Variants in LMTK2 observed in about 807,000 individuals in gnomAD.
LMTK2 encodes lemur tail kinase 2, also known as serine/threonine-protein kinase LMTK2.
In LMTK2, 37 loss-of-function variants were observed where a neutral mutation model predicts 127.5. The ratio of observed to expected loss-of-function variants is 0.29; its 90% confidence interval spans 0.22 to 0.38. The LOEUF is 0.38. LMTK2 is among the 10% of genes least tolerant of loss of function. LMTK2 has a pLI of 1.00. For missense variants in LMTK2, 1,694 were observed against 1,920.3 expected (o/e 0.88, Z 2.20); for synonymous variants, 819 against 810.1 (o/e 1.01, Z -0.19).
At chr7:98,146,868 G>A (rs759451247) in intron 3 of LMTK2, among the ~76,000 whole-genome samples, 2 of 152,188 alleles carry the variant, frequency 1.3e-5, no homozygotes, top group Non-Finnish European at 2.9e-5. Flanking sequence ...ATGGCTTTGA[G>A]TTACTGTTTA....
At chr7:98,136,124 G>C (rs528898971) in intron 1 of LMTK2, among the ~76,000 whole-genome samples, 1 of 152,176 alleles carries the variant, frequency 6.6e-6, no homozygotes, top group Non-Finnish European at 1.5e-5. Context: ...ATGCCAAAAA[G>C]ATCCAGTAGT....
chr7:98,160,783 G>T (rs1562909737), intron 6 of LMTK2, among the ~76,000 whole-genome samples: 2 of 152,156 alleles, frequency 1.3e-5, no homozygotes, highest in African/African-American at 4.8e-5. Context: ...TGTTATGTAG[G>T]CATGAACATT....
chr7:98,155,877 C>T (rs1796919219), intron 5 of LMTK2, among the ~76,000 whole-genome samples: 1 of 152,060 alleles, frequency 6.6e-6, no homozygotes, highest in South Asian at 2.1e-4. Flanking sequence ...CTGATTGTAT[C>T]ATCAAAATTA....
rs565768667 is a variant in LMTK2 at position 98,132,163 on chromosome 7, G to A, written c.104-5152G>A. 2.0e-5 allele frequency among the ~76,000 whole-genome samples: 3 copies of A among 152,246 alleles called. No homozygotes were observed. The East Asian group carries it at 5.8e-4, about 29-fold the overall frequency. On this transcript the variant is annotated intron_variant, in intron 1 of 13. Transcript: ENST00000297293. ...ACAACCACAACGGATGGAAGCCTGTGGGTGCTTTAAATCCATTAGCTCATG... is the reference window on the plus strand; with the variant it reads ...ACAACCACAACGGATGGAAGCCTGTAGGTGCTTTAAATCCATTAGCTCATG...
Position 98,140,164 on chromosome 7 carries a change from T to TTCG in LMTK2, c.232-1232_232-1231insCGT, listed in dbSNP as rs1796668899. On this transcript the variant is annotated intron_variant, in intron 2 of 13. Transcript: ENST00000297293. ...TTTCTTTTCTTTTCTTTTCTTTTCT[T>TTCG]TTCTTTTCTTTCTTTTCTTTCTTCT... Among the ~76,000 whole-genome samples the TTCG allele has an allele frequency of 4.2e-4, 21 of 49,832 alleles. 7 individuals carry two copies. Among genetic ancestry groups the TTCG allele is most frequent in the Admixed American group, 2.2e-3 (9 of 4,158 alleles). 32.7% of individuals were successfully genotyped at this position (49,832 alleles called of 152,430 possible). A position where few individuals can be genotyped will look rare whatever the true frequency, so the allele number is the denominator to read the frequency against.
At chr7:98,109,743 C>CAAAA (rs1156337163) in intron 1 of LMTK2, among the ~76,000 whole-genome samples, 4,005 of 52,810 alleles carry the variant, frequency 0.076, 167 homozygotes, top group East Asian at 0.37. Context: ...GACTCCGTCT[C>CAAAA]AAAAAAAAAA....
chr7:98,121,314 A>G (rs1333074579), intron 1 of LMTK2, among the ~76,000 whole-genome samples: 3 of 152,200 alleles, frequency 2.0e-5, no homozygotes, highest in East Asian at 1.9e-4. Context: ...TTGAAGTACT[A>G]AAGAAAATGC....
intron 13 of LMTK2, among the ~76,000 whole-genome samples, chr7:98,204,928 C>T (rs1418297774): frequency 6.6e-6 from 1 of 152,200 alleles, no homozygotes; most frequent in Non-Finnish European, 1.5e-5. Context: ...TGGTGCTGCC[C>T]CTGGAATGTT....
intron 11 of LMTK2, among the ~76,000 whole-genome samples, chr7:98,196,307 C>T (rs984632902): frequency 1.3e-5 from 2 of 152,124 alleles, no homozygotes; most frequent in African/African-American, 4.8e-5. Flanking sequence ...AGGCAGATCT[C>T]GAACTCAGGA....
At chr7:98,131,229 A>G (rs986700792) in intron 1 of LMTK2, among the ~76,000 whole-genome samples, 2 of 152,222 alleles carry the variant, frequency 1.3e-5, no homozygotes, top group African/African-American at 4.8e-5. Flanking sequence ...CATTTTCTTA[A>G]TATGGTCAGT....
intron 1 of LMTK2, among the ~76,000 whole-genome samples, chr7:98,118,659 C>G (rs1796321110): frequency 6.6e-6 from 1 of 152,134 alleles, no homozygotes; most frequent in African/African-American, 2.4e-5. Flanking sequence ...TCACCTTTAC[C>G]CTTCCCTCTG....
At chr7:98,156,281 C>A (rs1031183051) in intron 5 of LMTK2, among the ~76,000 whole-genome samples, 1 of 152,028 alleles carries the variant, frequency 6.6e-6, no homozygotes, top group East Asian at 1.9e-4. Flanking sequence ...CTGGCTAACA[C>A]GGTGAAGCCC....
intron 1 of LMTK2, among the ~76,000 whole-genome samples, chr7:98,133,194 G>C (rs989846612): frequency 1.8e-4 from 28 of 152,262 alleles, no homozygotes; most frequent in African/African-American, 5.8e-4. Flanking sequence ...ATTTGTGATG[G>C]GAAAAGCTGC....
At chr7:98,184,309 C>A (rs1354755647) in intron 7 of LMTK2, among the ~76,000 whole-genome samples, 1 of 152,074 alleles carries the variant, frequency 6.6e-6, no homozygotes, top group Non-Finnish European at 1.5e-5. Context: ...AACACCAGTT[C>A]CGAGTGTTTT....
intron 3 of LMTK2, among the ~76,000 whole-genome samples, chr7:98,142,724 A>G (rs1462878540): frequency 1.3e-5 from 2 of 152,212 alleles, no homozygotes; most frequent in African/African-American, 4.8e-5. Flanking sequence ...TGACACATGG[A>G]CCCAGACCGT....
At chr7:98,123,592 C>T (rs941400968) in intron 1 of LMTK2, among the ~76,000 whole-genome samples, 2 of 152,142 alleles carry the variant, frequency 1.3e-5, no homozygotes, top group Non-Finnish European at 2.9e-5. Flanking sequence ...AGTTGTAAAG[C>T]TGTGCCTTGG....
chr7:98,107,206 G>GGCTGCTGCT lies in LMTK2; in HGVS notation c.40_48dup (p.Leu14_Leu16dup), dbSNP rs146333850. ...CCGGGGCCGCCGGCGTTGCGGCGGAGGCTGCTGCTGCTGCTGCTGGTCCTC... is the reference window on the plus strand; with the variant it reads ...CCGGGGCCGCCGGCGTTGCGGCGGAGGCTGCTGCTGCTGCTGCTGCTGCTGCTGGTCCTC... On this transcript the variant is annotated inframe_insertion, in exon 1 of 14. Transcript: ENST00000297293. 63 of 1,455,766 alleles carry GGCTGCTGCT rather than the reference G, an allele frequency of 4.3e-5. No individual in the cohort carries two copies. Among genetic ancestry groups the GGCTGCTGCT allele is most frequent in the South Asian group, 2.1e-4 (16 of 75,090 alleles). 90.2% of individuals were successfully genotyped at this position (1,455,766 alleles called of 1,614,324 possible).
At chr7:98,114,663 CGGGGTG>C (rs1237794269) in intron 1 of LMTK2, among the ~76,000 whole-genome samples, 2 of 152,150 alleles carry the variant, frequency 1.3e-5, no homozygotes, top group Non-Finnish European at 2.9e-5. Flanking sequence ...ACGGTCGCAT[CGGGGTG>C]TCTGCTGCAG....
chr7:98,171,416 T>G lies in LMTK2; in HGVS notation c.658-125T>G. On this transcript the variant is annotated intron_variant, in intron 6 of 13. Coordinates refer to ENST00000297293, the MANE Select transcript of LMTK2 (RefSeq NM_014916.4). The surrounding 1 kb of genome is among the most constrained non-coding windows in gnomAD (Gnocchi z 5.1). ...TCGCAGTATTGGGTTGGAACTTCTT[T>G]AAGTATGAACAAAAGAAGTTTCTAA... is the stretch of plus-strand genomic sequence containing the variant. 1.6e-6 allele frequency: 2 copies of G among 1,253,620 alleles called. No individual in the cohort carries two copies. Among genetic ancestry groups the G allele is most frequent in the Non-Finnish European group, 2.3e-6 (2 of 865,730 alleles). The allele number at this position is 1,253,620 out of a possible 1,614,324, so 77.7% of individuals were successfully genotyped here. A position where few individuals can be genotyped will look rare whatever the true frequency, so the allele number is the denominator to read the frequency against.
Sources: gnomAD v4.1 joint callset for allele counts (sites outside exome capture counted in the v4.1 genomes callset) on GRCh38, gnomAD v4.1.1 for gene constraint, Gnocchi (gnomAD v3.1) non-coding constraint, MANE v1.5 for transcripts, NCBI Gene and HGNC (gene_info 2026-07-23, HGNC 2026-07-21) for gene names.